The following PARD3 variants were observed in gnomAD, a reference collection of about 807,000 sequenced individuals.
The protein encoded by PARD3 is par-3 family cell polarity regulator.
In PARD3, 75 loss-of-function variants were observed where a neutral mutation model predicts 155.4. That is an observed-to-expected ratio of 0.48 (90% CI 0.40 to 0.58). The LOEUF is 0.58. PARD3 is among the 20% of genes least tolerant of loss of function. PARD3 has a pLI of 0.00. For missense variants in PARD3, 1,642 were observed against 1,721.7 expected, an observed-to-expected ratio of 0.95 and a Z score of 0.82; for synonymous variants, 576 against 610.5, an observed-to-expected ratio of 0.94 and a Z score of 0.83.
chr10:34,236,305 T>C (rs1428995509), intron 22 of PARD3, among the ~76,000 whole-genome samples: 1 of 152,168 alleles, frequency 6.6e-6, no homozygotes, highest in African/African-American at 2.4e-5. Context: ...ACACAGATAT[T>C]GAAGCTTATT....
intron 22 of PARD3, among the ~76,000 whole-genome samples, chr10:34,140,177 C>T (rs1948109770): frequency 6.6e-6 from 1 of 151,858 alleles, no homozygotes; most frequent in Non-Finnish European, 1.5e-5. Context: ...TGATAAAATC[C>T]TAGATAAAAA....
chr10:34,218,378 C>G (rs1028325175), intron 22 of PARD3, among the ~76,000 whole-genome samples: 1 of 152,100 alleles, frequency 6.6e-6, no homozygotes, highest in Non-Finnish European at 1.5e-5. Flanking sequence ...TGTTAACTAA[C>G]CACCATGAAA....
In PARD3 at chr10:34,356,935, T is replaced by C. The variant is rs181330598; in HGVS notation, c.2067+2212A>G. ...CCTAAGAAATAGTAATAACCAGCAA[T>C]GTATGAAAATGATACCATAAGGAAT... On this transcript the variant is annotated intron_variant, in intron 14 of 24. Coordinates refer to ENST00000374788, the MANE Select transcript of PARD3 (RefSeq NM_001184785.2). Among the ~76,000 whole-genome samples the C allele has an allele frequency of 7.9e-5, 12 of 152,344 alleles. No homozygotes were observed. The East Asian group carries it at 2.1e-3, about 27-fold the overall frequency.
At chr10:34,681,022 C>T (rs547490949) in intron 2 of PARD3, among the ~76,000 whole-genome samples, 62 of 151,450 alleles carry the variant, frequency 4.1e-4, no homozygotes, top group African/African-American at 1.1e-3. Context: ...AAACAGCCTA[C>T]ACCAGAAATA....
Position 34,374,990 on chromosome 10 carries a change from C to A in PARD3, c.1552G>T (p.Asp518Tyr), listed in dbSNP as rs1212413650. ...TCCTCTTGGGATTTGCCCACTAAATCTACTCCATTTACCTAAAACAAAACA... is the reference window on the plus strand; with the variant it reads ...TCCTCTTGGGATTTGCCCACTAAATATACTCCATTTACCTAAAACAAAACA... Reference protein sequence around the residue: ...GDRLIEVNGVDLVGKSQEEVV... With the variant: ...GDRLIEVNGVYLVGKSQEEVV... Residue 518 changes from aspartate to tyrosine, a missense_variant, in exon 11 of 25, where the codon GAT (aspartate) becomes TAT (tyrosine). Physicochemically the swap from Asp to Tyr is radical, Grantham distance 160 (BLOSUM62 -3). Coordinates refer to ENST00000374788, the MANE Select transcript of PARD3 (RefSeq NM_001184785.2). The A allele has an allele frequency of 6.2e-7, 1 of 1,611,094 alleles. No homozygotes were observed. Among genetic ancestry groups the A allele is most frequent in the Non-Finnish European group, 8.5e-7 (1 of 1,178,588 alleles).
Position 34,413,138 on chromosome 10 carries a change from T to TAC in PARD3, c.715-11222_715-11221insGT, listed in dbSNP as rs879785568. On this transcript the variant is annotated intron_variant, in intron 5 of 24. Transcript: ENST00000374788. ...AAAAAACATTAGGCAGTACTTCAGATATATATACACACACACACACACACA... is the reference window on the plus strand; with the variant it reads ...AAAAAACATTAGGCAGTACTTCAGATACATATATACACACACACACACACACA... 9.6e-3 allele frequency among the ~76,000 whole-genome samples: 896 copies of TAC among 93,582 alleles called. 9 individuals are homozygous for TAC. Among genetic ancestry groups the TAC allele is most frequent in the African/African-American group, 0.042 (753 of 17,906 alleles). 61.4% of individuals were successfully genotyped at this position (93,582 alleles called of 152,430 possible).
At chr10:34,370,845 T>TGTGTAA (rs1554841017) in intron 12 of PARD3, among the ~76,000 whole-genome samples, 4 of 147,358 alleles carry the variant, frequency 2.7e-5, no homozygotes, top group Non-Finnish European at 4.5e-5. Context: ...TGTGTGTGTG[T>TGTGTAA]GTAAATGACT....
At chr10:34,405,711 CACAG>C (rs1844392298) in intron 5 of PARD3, among the ~76,000 whole-genome samples, 1 of 152,104 alleles carries the variant, frequency 6.6e-6, no homozygotes. Flanking sequence ...ATTCCTGGGT[CACAG>C]ACAAAGAACT....
intron 5 of PARD3, among the ~76,000 whole-genome samples, chr10:34,403,723 A>T (rs1189755524): frequency 6.6e-6 from 1 of 152,190 alleles, no homozygotes; most frequent in Non-Finnish European, 1.5e-5. Context: ...GCACCAGCAC[A>T]TAATACATTT....
At chr10:34,776,848 C>T (rs57482244) in intron 1 of PARD3, among the ~76,000 whole-genome samples, 221 of 13,038 alleles carry the variant, frequency 0.017, 3 homozygotes, top group African/African-American at 0.055. Context: ...GGGGGGGGGG[C>T]GGGTGGGGGA....
intron 22 of PARD3, among the ~76,000 whole-genome samples, chr10:34,197,528 A>C (rs1405300098): frequency 6.6e-6 from 1 of 152,174 alleles, no homozygotes. Context: ...GACATCATTA[A>C]TTTGCATTTA....
chr10:34,312,526 G>A, intron 20 of PARD3: 1 of 758,918 alleles, frequency 1.3e-6, no homozygotes, highest in South Asian at 1.7e-5. Context: ...TGTTCATTGT[G>A]TTCTGAAAAT....
chr10:34,372,940 G>C, intron 11 of PARD3, among the ~76,000 whole-genome samples: 1 of 151,942 alleles, frequency 6.6e-6, no homozygotes, highest in East Asian at 1.9e-4. Context: ...TTGAACCACA[G>C]TCTGAACCAC....
intron 22 of PARD3, among the ~76,000 whole-genome samples, chr10:34,133,714 T>C (rs778617568): frequency 5.3e-5 from 8 of 152,178 alleles, no homozygotes; most frequent in Non-Finnish European, 8.8e-5. Flanking sequence ...CAAACGGACA[T>C]AAGTCTACAT....
At chr10:34,169,830 TTCTCTC>T (rs1438908189) in intron 22 of PARD3, among the ~76,000 whole-genome samples, 1 of 152,132 alleles carries the variant, frequency 6.6e-6, no homozygotes, top group Admixed American at 6.5e-5. Flanking sequence ...CTGCCTGGGG[TTCTCTC>T]TCTAAGAATG....
chr10:34,133,632 T>C (rs904325435), intron 22 of PARD3, among the ~76,000 whole-genome samples: 2 of 152,184 alleles, frequency 1.3e-5, no homozygotes, highest in Non-Finnish European at 2.9e-5. Context: ...GCTGCACCCC[T>C]CCTGCGTGAT....
chr10:34,273,820 C>T (rs895705031), intron 21 of PARD3, among the ~76,000 whole-genome samples: 5 of 152,144 alleles, frequency 3.3e-5, no homozygotes, highest in African/African-American at 7.2e-5. Flanking sequence ...ATCACCATCA[C>T]CCCACTCTTG....
chr10:34,590,350 G>A (rs1475317511), intron 2 of PARD3, among the ~76,000 whole-genome samples: 1 of 152,166 alleles, frequency 6.6e-6, no homozygotes, highest in Non-Finnish European at 1.5e-5. Context: ...GAATATATGA[G>A]GAATTGTTGC....
chr10:34,397,839 A>G (rs569990878), intron 7 of PARD3, among the ~76,000 whole-genome samples: 3 of 152,328 alleles, frequency 2.0e-5, no homozygotes, highest in Admixed American at 2.0e-4. Context: ...ACATATGCAT[A>G]TCGGGAAGCT....
Sources: allele counts gnomAD v4.1 joint callset (sites outside exome capture counted in the v4.1 genomes callset), GRCh38; gene constraint gnomAD v4.1.1; transcripts MANE v1.5; gene names NCBI Gene and HGNC (gene_info 2026-07-23, HGNC 2026-07-21).